The following ABHD18 variants were observed in gnomAD, a reference collection of about 807,000 sequenced individuals.
The protein encoded by ABHD18 is abhydrolase domain containing 18.
Under a neutral mutation model 65.9 loss-of-function variants are expected in ABHD18, and 55 were observed. The observed-to-expected ratio is 0.84, with a 90% CI of 0.67 to 1.05. The LOEUF (loss-of-function observed/expected upper bound fraction) is 1.05, where lower values mean the gene tolerates loss of function less well. Ranked by LOEUF, ABHD18 falls within the 50% of genes least tolerant of loss-of-function variation. ABHD18 has a pLI of 0.00. For synonymous variants in ABHD18, 181 were observed against 180.2 expected, an observed-to-expected ratio of 1.00 and a Z score of -0.04; for missense variants, 533 against 558.5, an observed-to-expected ratio of 0.95 and a Z score of 0.46.
chr4:128,022,117 A>C (rs1351290148), intron 10 of ABHD18, among the ~76,000 whole-genome samples: 1 of 152,206 alleles, frequency 6.6e-6, no homozygotes, highest in Non-Finnish European at 1.5e-5. Context: ...ATTAGGAGAT[A>C]TACCTAATAT....
intron 12 of ABHD18, among the ~76,000 whole-genome samples, chr4:128,032,794 A>G (rs567679744): frequency 5.3e-5 from 8 of 152,264 alleles, no homozygotes; most frequent in African/African-American, 1.9e-4. Flanking sequence ...TGTTATTTAG[A>G]GCTTATTGAT....
chr4:128,005,217 G>T (rs1490271853), intron 4 of ABHD18, among the ~76,000 whole-genome samples: 1 of 152,160 alleles, frequency 6.6e-6, no homozygotes, highest in Non-Finnish European at 1.5e-5. Flanking sequence ...CAACCAGTGA[G>T]ACTCTGTCTC....
chr4:127,983,116 A>T, intron 2 of ABHD18, 69 bp downstream of exon 2: 1 of 1,092,590 alleles, frequency 9.2e-7, no homozygotes, highest in Non-Finnish European at 1.4e-6. Flanking sequence ...AAACTTTGTT[A>T]TAAAATCCTT....
At chr4:127,965,656 C>G (rs1745057251) in intron 1 of ABHD18, 50 bp downstream of exon 1, 2 of 184,128 alleles carry the variant, frequency 1.1e-5, no homozygotes, top group Non-Finnish European at 2.3e-5. Flanking sequence ...GCTCCCCGCG[C>G]CTCTTAGCGC....
chr4:128,030,040 A>G (rs928970104), intron 11 of ABHD18, among the ~76,000 whole-genome samples: 3 of 152,100 alleles, frequency 2.0e-5, no homozygotes, highest in African/African-American at 7.2e-5. Flanking sequence ...CTGTAGTCCC[A>G]GCTACTCAGG....
At position 128,000,084 on chromosome 4, in the gene ABHD18, C is replaced by A. The variant is rs557824758; in HGVS notation, c.279-8836C>A. Among the ~76,000 whole-genome samples the A allele has an allele frequency of 2.6e-5, 4 of 152,272 alleles. No individual in the cohort carries two copies. The East Asian group carries it at 7.7e-4, about 29-fold the overall frequency. On this transcript the variant is annotated intron_variant, in intron 4 of 12. Transcript: ENST00000645843. ...ATCTCATGAGACTTATTCACTATCA[C>A]ACGAACAACATGGGAAAGACCTGCC...
intron 4 of ABHD18, among the ~76,000 whole-genome samples, chr4:128,003,768 A>G (rs1753090651): frequency 6.6e-6 from 1 of 151,980 alleles, no homozygotes; most frequent in Non-Finnish European, 1.5e-5. Context: ...CTGGGCAGAG[A>G]CAGCAGTCTC....
intron 1 of ABHD18, among the ~76,000 whole-genome samples, chr4:127,975,766 T>TA (rs1489052169): frequency 6.6e-6 from 1 of 152,192 alleles, no homozygotes; most frequent in Admixed American, 6.5e-5. Flanking sequence ...ATATTTGCAT[T>TA]ATATTTATGC....
At chr4:127,966,907 A>G (rs1745682049) in intron 1 of ABHD18, among the ~76,000 whole-genome samples, 1 of 150,860 alleles carries the variant, frequency 6.6e-6, no homozygotes, top group African/African-American at 2.4e-5. Flanking sequence ...AAAACCAAAA[A>G]CCTTGAAACG....
intron 8 of ABHD18, among the ~76,000 whole-genome samples, chr4:128,019,056 G>A (rs996507695): frequency 6.6e-6 from 1 of 150,960 alleles, no homozygotes; most frequent in Non-Finnish European, 1.5e-5. Context: ...ACCTGACAGT[G>A]AAACAAAAGA....
Position 128,037,101 on chromosome 4 carries a change from A to AAG in ABHD18, c.*1288_*1289insAG. 1.4e-5 allele frequency: 2 copies of AAG among 138,316 alleles called. No homozygotes were observed. Among genetic ancestry groups the AAG allele is most frequent in the Non-Finnish European group, 3.1e-5 (2 of 65,430 alleles). The allele number at this position is 138,316 out of a possible 1,614,324, so 8.6% of individuals were successfully genotyped here. On this transcript the variant is annotated 3_prime_UTR_variant, in exon 13 of 13. Coordinates refer to ENST00000645843, the MANE Select transcript of ABHD18 (RefSeq NM_001358451.3). ...GCCACTGCACTCCAGCCTGGGCAAC[A>AAG]GAGCAAAACTCCATCTCAAAAAAAA...
At position 128,020,068 on chromosome 4, in the gene ABHD18, G is replaced by A. The variant is rs1419393467; in HGVS notation, c.610-12G>A. ...AACTCTAAATAGACGCTCTCTATCT[G>A]TTATATTACAGATGGCTTCCTTAGC... On this transcript the variant is annotated splice_polypyrimidine_tract_variant and intron_variant, in intron 8 of 12. Coordinates refer to ENST00000645843, the MANE Select transcript of ABHD18 (RefSeq NM_001358451.3). 6.3e-7 allele frequency: 1 copy of A among 1,588,076 alleles called. No individual in the cohort carries two copies. Among genetic ancestry groups the A allele is most frequent in the South Asian group, 1.1e-5 (1 of 89,554 alleles).
intron 4 of ABHD18, among the ~76,000 whole-genome samples, chr4:127,991,606 G>A (rs765076253): frequency 1.3e-5 from 2 of 152,064 alleles, no homozygotes; most frequent in Non-Finnish European, 2.9e-5. Context: ...TTATGTTTTA[G>A]CTAATTTTAT....
intron 4 of ABHD18, among the ~76,000 whole-genome samples, chr4:128,006,311 C>G (rs904604211): frequency 4.6e-5 from 7 of 152,122 alleles, no homozygotes; most frequent in African/African-American, 1.4e-4. Context: ...TGAAAAAATT[C>G]TTAAGTGTTT....
intron 4 of ABHD18, among the ~76,000 whole-genome samples, chr4:127,996,036 G>A (rs1445634015): frequency 1.3e-5 from 2 of 152,208 alleles, no homozygotes; most frequent in African/African-American, 4.8e-5. Flanking sequence ...ATTAGGGCTT[G>A]CTGGAAAGAT....
chr4:128,017,217 C>A, intron 7 of ABHD18, 146 bp from the exon 8 acceptor site: 1 of 753,088 alleles, frequency 1.3e-6, no homozygotes, highest in Non-Finnish European at 2.1e-6. Flanking sequence ...CACGCCTGGC[C>A]CTAATTCCAA....
At chr4:128,029,118 G>A (rs1757821122) in intron 11 of ABHD18, among the ~76,000 whole-genome samples, 1 of 151,936 alleles carries the variant, frequency 6.6e-6, no homozygotes, top group Non-Finnish European at 1.5e-5. Flanking sequence ...TTGGGAGGCT[G>A]AGGCAGGTGG....
chr4:127,994,682 A>G (rs1253760452), intron 4 of ABHD18, among the ~76,000 whole-genome samples: 1 of 152,218 alleles, frequency 6.6e-6, no homozygotes, highest in East Asian at 1.9e-4. Flanking sequence ...ATATTACCCA[A>G]GATTGAATTC....
chr4:127,974,188 G>GTTTTT (rs34967150), intron 1 of ABHD18, among the ~76,000 whole-genome samples: 3 of 101,490 alleles, frequency 3.0e-5, no homozygotes, highest in Non-Finnish European at 4.1e-5. Context: ...CTTAAGTTCT[G>GTTTTT]TTTTTTTTTT....
Sources: allele counts gnomAD v4.1 joint callset (sites outside exome capture counted in the v4.1 genomes callset), GRCh38; gene constraint gnomAD v4.1.1; transcripts MANE v1.5; gene names NCBI Gene and HGNC (gene_info 2026-07-23, HGNC 2026-07-21).